The following UPF2 variants were observed in gnomAD, a reference collection of about 807,000 sequenced individuals.
UPF2 encodes the protein UPF2 regulator of nonsense mediated mRNA decay.
Under a neutral mutation model 141.4 loss-of-function variants are expected in UPF2, and 17 were observed. That is an observed-to-expected ratio of 0.12 (90% CI 0.08 to 0.18). UPF2 has a LOEUF of 0.18. Ranked by LOEUF, UPF2 falls within the 10% of genes least tolerant of loss-of-function variation. The pLI, the probability that UPF2 is intolerant of heterozygous loss-of-function variation, is 1.00. For missense variants in UPF2, 1,152 were observed against 1,515.9 expected (o/e 0.76, Z 3.99); for synonymous variants, 540 against 498.0 (o/e 1.08, Z -1.12).
In UPF2 at chr10:11,955,398, G is replaced by C. The variant is rs763553369; in HGVS notation, c.2684C>G (p.Ser895Cys). Reference sequence around the variant, plus strand: ...AGGATTAACACCAAATGAGGTAAAAGAATACAGAGTTCTGAAAATAACAGC... The same window carrying C: ...AGGATTAACACCAAATGAGGTAAAACAATACAGAGTTCTGAAAATAACAGC... ...ESAVIFRTLY[S>C]FTSFGVNPDG... The change falls in exon 14 of 22, where the codon TCT becomes TGT. Residue 895 changes from serine (S) to cysteine (C), a missense_variant. Ser to Cys is a moderately radical substitution (Grantham distance 112). Coordinates refer to ENST00000357604, the MANE Select transcript of UPF2 (RefSeq NM_015542.4). The C allele has an allele frequency of 2.5e-6, 4 of 1,614,144 alleles. No homozygotes were observed. Among genetic ancestry groups the C allele is most frequent in the Non-Finnish European group, 3.4e-6 (4 of 1,180,016 alleles).
At chr10:12,040,847 T>C (rs1834724255) in intron 1 of UPF2, among the ~76,000 whole-genome samples, 1 of 152,208 alleles carries the variant, frequency 6.6e-6, no homozygotes, top group Admixed American at 6.5e-5. Flanking sequence ...GAGGCATTAA[T>C]AAATGTTCTG....
chr10:11,971,807 T>C (rs1833422204), intron 9 of UPF2, among the ~76,000 whole-genome samples: 2 of 152,130 alleles, frequency 1.3e-5, no homozygotes, highest in South Asian at 4.1e-4. Context: ...CTCATGCCTA[T>C]AATCCCAGCG....
intron 1 of UPF2, 52 bp from the exon 2 acceptor site, chr10:12,035,493 G>C (rs1834609222): frequency 6.9e-7 from 1 of 1,452,960 alleles, no homozygotes. Context: ...TTTTTAAAAT[G>C]ATATCACACT....
intron 1 of UPF2, among the ~76,000 whole-genome samples, chr10:12,036,770 A>C (rs921676320): frequency 6.6e-6 from 1 of 152,246 alleles, no homozygotes; most frequent in Non-Finnish European, 1.5e-5. Flanking sequence ...TCATGCCTAT[A>C]ATCTCAGCAC....
chr10:11,935,872 T>C lies in UPF2; in HGVS notation c.3546+673A>G, dbSNP rs146571191. 7.9e-3 allele frequency among the ~76,000 whole-genome samples: 1,198 copies of C among 152,182 alleles called. 6 individuals are homozygous for C. Among genetic ancestry groups the C allele is most frequent in the Non-Finnish European group, 0.014 (921 of 68,010 alleles). On this transcript the variant is annotated intron_variant, in intron 19 of 21. Transcript: ENST00000357604. This position sits in a 1 kb window ranked among gnomAD's most constrained non-coding sequence, Gnocchi z 4.9. ...GGGGAAACGGTTTTGAGGGACCATC[T>C]TGTATGAAGGGGGAAAGGGCAAACA...
intron 3 of UPF2, among the ~76,000 whole-genome samples, chr10:12,022,593 T>C (rs1347655402): frequency 6.6e-6 from 1 of 152,144 alleles, no homozygotes; most frequent in African/African-American, 2.4e-5. Context: ...ATCTAGGACA[T>C]AATTTTAGAG....
In UPF2 at chr10:12,014,096, T is replaced by C. The variant is rs1306441953; in HGVS notation, c.1234A>G (p.Asn412Asp). 6.3e-7 allele frequency: 1 copy of C among 1,599,872 alleles called. No homozygotes were observed. Among genetic ancestry groups the C allele is most frequent in the Admixed American group, 1.7e-5 (1 of 58,246 alleles). Residue 412 changes from asparagine (N) to aspartate (D), a missense_variant, in exon 4 of 22, where the codon AAT (asparagine) becomes GAT (aspartate). This residue lies in a region of UPF2 where 739 missense variants were observed against 1,032.2 expected (regional missense o/e 0.72). Coordinates refer to ENST00000357604, the MANE Select transcript of UPF2 (RefSeq NM_015542.4). This position sits in a 1 kb window ranked among gnomAD's most constrained non-coding sequence, Gnocchi z 5.0. The part of the protein sequence containing the change: ...FAMSYQKLLA[N>D]SQSLADLLDE... ...AAAAGGTCTGCTAAGGATTGAGAAT[T>C]TGCCAGCAGCTTCTGGTAAGACATA...
intron 19 of UPF2, among the ~76,000 whole-genome samples, chr10:11,934,417 G>A (rs1010308449): frequency 6.6e-6 from 1 of 152,160 alleles, no homozygotes; most frequent in Non-Finnish European, 1.5e-5. Context: ...GGAGGGGTGT[G>A]GCTCTCCTGA....
chr10:11,942,978 GA>G (rs1832954540), intron 17 of UPF2, 85 bp downstream of exon 17: 2 of 1,085,552 alleles, frequency 1.8e-6, no homozygotes, highest in African/African-American at 1.6e-5. Context: ...ATAATCAAAA[GA>G]AACAAATTCA....
intron 21 of UPF2, among the ~76,000 whole-genome samples, chr10:11,924,692 C>T (rs768053637): frequency 1.4e-4 from 21 of 152,110 alleles, no homozygotes; most frequent in Non-Finnish European, 5.9e-5. Flanking sequence ...TGGGCTCAAG[C>T]GATCCTTCCA....
intron 4 of UPF2, among the ~76,000 whole-genome samples, chr10:12,010,764 A>T (rs1834112973): frequency 6.6e-6 from 1 of 152,122 alleles, no homozygotes; most frequent in African/African-American, 2.4e-5. Context: ...GAAACGAAGA[A>T]AACCACACCA....
chr10:11,937,091 C>T (rs1832861988), intron 18 of UPF2, among the ~76,000 whole-genome samples: 1 of 152,236 alleles, frequency 6.6e-6, no homozygotes, highest in South Asian at 2.1e-4. Context: ...AAGGTGGGCT[C>T]ATCACTGCAT....
intron 4 of UPF2, among the ~76,000 whole-genome samples, chr10:12,007,834 G>GTAGTAATAA (rs1554782124): frequency 1.5e-5 from 2 of 134,564 alleles, no homozygotes; most frequent in African/African-American, 5.3e-5. Context: ...CCGTCTCAAA[G>GTAGTAATAA]TAATAATAAT....
intron 21 of UPF2, among the ~76,000 whole-genome samples, chr10:11,927,576 A>G (rs1832728825): frequency 6.6e-6 from 1 of 152,198 alleles, no homozygotes; most frequent in South Asian, 2.1e-4. Flanking sequence ...CTGTTAACCT[A>G]GCTAGTGTCC....
At position 12,014,914 on chromosome 10, in the gene UPF2, AGCC is replaced by A. The variant is rs1834191572; in HGVS notation, c.1146-733_1146-731del. 6.6e-6 allele frequency among the ~76,000 whole-genome samples: 1 copy of A among 152,256 alleles called. No homozygotes were observed. The highest frequency in any genetic ancestry group is 1.5e-5 in the Non-Finnish European group (1 of 68,050). ...ACTGAGAAGTCCACTCACTCAGGCC[AGCC>A]CTTATCAAGGAACTAAGGACATAAC... On this transcript the variant is annotated intron_variant, in intron 3 of 21. Coordinates refer to ENST00000357604, the MANE Select transcript of UPF2 (RefSeq NM_015542.4). This position sits in a 1 kb window ranked among gnomAD's most constrained non-coding sequence, Gnocchi z 5.0.
chr10:11,984,584 T>C (rs115742509), intron 8 of UPF2, among the ~76,000 whole-genome samples: 465 of 152,218 alleles, frequency 3.1e-3, no homozygotes, highest in African/African-American at 0.01. Flanking sequence ...TCCTTCCTCG[T>C]GCTACCTAGT....
chr10:11,943,760 C>T (rs11257440), intron 16 of UPF2, among the ~76,000 whole-genome samples: 9,719 of 152,122 alleles, frequency 0.064, 555 homozygotes, highest in East Asian at 0.24. Flanking sequence ...TGCTGTTAAG[C>T]AGAAGACCTG....
At chr10:12,009,821 C>A (rs113792106) in intron 4 of UPF2, among the ~76,000 whole-genome samples, 4 of 152,306 alleles carry the variant, frequency 2.6e-5, no homozygotes, top group African/African-American at 7.2e-5. Flanking sequence ...TTTGCAGAGT[C>A]TCCTTGAACA....
chr10:11,943,186 T>A lies in UPF2; in HGVS notation c.3175-18A>T, dbSNP rs1465942819. Reference sequence around the variant, plus strand: ...GAACCCTCCTGAAATTATTGAACATTAGAAGATTAAATAACTTTTCGAAGT... The same window carrying A: ...GAACCCTCCTGAAATTATTGAACATAAGAAGATTAAATAACTTTTCGAAGT... On this transcript the variant is annotated intron_variant, in intron 16 of 21. Coordinates refer to ENST00000357604, the MANE Select transcript of UPF2 (RefSeq NM_015542.4). 6.4e-7 allele frequency: 1 copy of A among 1,566,832 alleles called. No homozygotes were observed. Among genetic ancestry groups the A allele is most frequent in the Non-Finnish European group, 8.7e-7 (1 of 1,147,250 alleles).
Sources: allele counts gnomAD v4.1 joint callset (sites outside exome capture counted in the v4.1 genomes callset), GRCh38; gene constraint gnomAD v4.1.1; regional missense constraint gnomAD v4.1.1; non-coding constraint Gnocchi (gnomAD v3.1); transcripts MANE v1.5; gene names NCBI Gene and HGNC (gene_info 2026-07-23, HGNC 2026-07-21).